Variants in TWIST2 observed in about 807,000 individuals in gnomAD.
The protein encoded by TWIST2 is twist-related protein 2.
TWIST2 carries 1 observed loss-of-function variant against 11.6 expected under a neutral mutation model. That is an observed-to-expected ratio of 0.09 (90% CI 0.03 to 0.41). The LOEUF is 0.41. TWIST2 is among the 10% of genes least tolerant of loss of function. The probability of loss-of-function intolerance (pLI) is 0.98; values close to 1 mark genes in which losing one functional copy is unlikely to be tolerated. For missense variants in TWIST2, 168 were observed against 226.4 expected (o/e 0.74, Z 1.66); for synonymous variants, 87 against 96.6 (o/e 0.90, Z 0.58).
At chr2:238,900,075 G>A (rs878925235) in intron 1 of TWIST2, among the ~76,000 whole-genome samples, 79,546 of 152,120 alleles carry the variant, frequency 0.52, 21,385 homozygotes, top group African/African-American at 0.65. Context: ...AGAAAGTTCT[G>A]TTTAATTCTC....
At chr2:238,850,173 AATG>A (rs1198770920) in intron 1 of TWIST2, among the ~76,000 whole-genome samples, 3 of 152,212 alleles carry the variant, frequency 2.0e-5, no homozygotes, top group Admixed American at 2.0e-4. Context: ...CTCCTGAGAT[AATG>A]ATAATTGTAT....
Position 238,848,122 on chromosome 2 carries a change from C to T in TWIST2, c.-94C>T. On this transcript the variant is annotated 5_prime_UTR_variant, in exon 1 of 2. Transcript: ENST00000612363. ...CTTGAAATCAGAGCCTTTCCAGCAACTCCGAGAGCGTGTGCTCGGCGACCG... is the reference window on the plus strand; with the variant it reads ...CTTGAAATCAGAGCCTTTCCAGCAATTCCGAGAGCGTGTGCTCGGCGACCG... The T allele has an allele frequency of 9.6e-7, 1 of 1,036,830 alleles. No homozygotes were observed. The highest frequency in any genetic ancestry group is 1.2e-6 in the Non-Finnish European group (1 of 837,198). 64.2% of individuals were successfully genotyped at this position (1,036,830 alleles called of 1,614,324 possible).
At chr2:238,889,034 C>T (rs1406593047) in intron 1 of TWIST2, among the ~76,000 whole-genome samples, 1 of 152,132 alleles carries the variant, frequency 6.6e-6, no homozygotes, top group Non-Finnish European at 1.5e-5. Context: ...TGGGTCTGTC[C>T]TGGTCACACA....
At chr2:238,868,596 T>C (rs1692587013) in intron 1 of TWIST2, among the ~76,000 whole-genome samples, 1 of 152,178 alleles carries the variant, frequency 6.6e-6, no homozygotes. Context: ...AGATGGAAGA[T>C]GCTGTTTCCC....
chr2:238,887,616 A>G (rs776469664), intron 1 of TWIST2, among the ~76,000 whole-genome samples: 1 of 152,198 alleles, frequency 6.6e-6, no homozygotes, highest in Non-Finnish European at 1.5e-5. Context: ...GTGGTTAGGC[A>G]GGGCCATAGG....
At chr2:238,849,236 C>A (rs1419064898) in intron 1 of TWIST2, among the ~76,000 whole-genome samples, 1 of 152,200 alleles carries the variant, frequency 6.6e-6, no homozygotes, top group East Asian at 1.9e-4. Flanking sequence ...GTCGGGCGGA[C>A]ACTCAGATCT....
At chr2:238,870,521 C>CCCG (rs1692654231) in intron 1 of TWIST2, among the ~76,000 whole-genome samples, 7 of 141,026 alleles carry the variant, frequency 5.0e-5, no homozygotes, top group Non-Finnish European at 7.7e-5. Flanking sequence ...ATACCACACA[C>CCCG]AAACCACACA....
chr2:238,905,979 G>C (rs1221618800), intron 1 of TWIST2, among the ~76,000 whole-genome samples: 1 of 139,260 alleles, frequency 7.2e-6, no homozygotes, highest in Non-Finnish European at 1.6e-5. Context: ...GTGTGCGCGC[G>C]CGTGTACGTG....
chr2:238,883,011 A>G lies in TWIST2; in HGVS notation c.*36-26831A>G, dbSNP rs1692965305. 1.3e-5 allele frequency among the ~76,000 whole-genome samples: 2 copies of G among 152,112 alleles called. 1 individual carries two copies. The highest frequency in any genetic ancestry group is 4.1e-4 in the South Asian group (2 of 4,830). On this transcript the variant is annotated intron_variant, in intron 1 of 1. Coordinates refer to ENST00000612363, the MANE Select transcript of TWIST2 (RefSeq NM_001271893.4). ...GGCAGCTCTTGACATCATTCCCTCC[A>G]GTTTGGGGGTGAGATGGACATGAAT...
Position 238,902,898 on chromosome 2 carries a change from G to A in TWIST2, c.*36-6944G>A, listed in dbSNP as rs1198203029. On this transcript the variant is annotated intron_variant, in intron 1 of 1. Transcript: ENST00000612363. ...GTGAGGGGTGTGTGATGTGGGGTGT[G>A]TGATGGGTATGTGCGTGATGTGAGG... Among the ~76,000 whole-genome samples, 3 of 130,688 alleles carry A rather than the reference G, an allele frequency of 2.3e-5. 1 individual carries two copies. The highest frequency in any genetic ancestry group is 2.8e-4 in the South Asian group (1 of 3,540). 85.7% of individuals were successfully genotyped at this position (130,688 alleles called of 152,430 possible). A position where few individuals can be genotyped will look rare whatever the true frequency, so the allele number is the denominator to read the frequency against.
At position 238,865,071 on chromosome 2, in the gene TWIST2, C is replaced by T. The variant is rs565278980; in HGVS notation, c.*35+16338C>T. ...TCACTCCACTCGTTGAAAGTCCACC[C>T]AGCAAGCATGCAAGCACTGGGCAAG... On this transcript the variant is annotated intron_variant, in intron 1 of 1. Coordinates refer to ENST00000612363, the MANE Select transcript of TWIST2 (RefSeq NM_001271893.4). Among the ~76,000 whole-genome samples the T allele has an allele frequency of 7.9e-5, 12 of 152,292 alleles. No individual in the cohort carries two copies. The South Asian group carries it at 2.3e-3, about 29-fold the overall frequency.
chr2:238,887,772 C>T (rs930164577), intron 1 of TWIST2, among the ~76,000 whole-genome samples: 4 of 152,216 alleles, frequency 2.6e-5, no homozygotes, highest in Non-Finnish European at 5.9e-5. Context: ...TGTGGAGGCT[C>T]TACCAGCCTG....
Position 238,864,739 on chromosome 2 carries a change from T to G in TWIST2, c.*35+16006T>G, listed in dbSNP as rs943199009. On this transcript the variant is annotated intron_variant, in intron 1 of 1. Transcript: ENST00000612363. This position sits in a 1 kb window ranked among gnomAD's most constrained non-coding sequence, Gnocchi z 4.7. ...GGGTCCACCCTGCCGCGGGGTCCAC[T>G]TGGTATAGGCACCCACCAGGCCTGC... Among the ~76,000 whole-genome samples, 2 of 152,106 alleles carry G rather than the reference T, an allele frequency of 1.3e-5. No homozygotes were observed. The highest frequency in any genetic ancestry group is 4.8e-5 in the African/African-American group (2 of 41,430).
At chr2:238,852,288 C>T (rs1288003745) in intron 1 of TWIST2, among the ~76,000 whole-genome samples, 2 of 152,062 alleles carry the variant, frequency 1.3e-5, no homozygotes, top group Non-Finnish European at 2.9e-5. Flanking sequence ...GGTTTTTAAG[C>T]TTAGTATTTA....
intron 1 of TWIST2, among the ~76,000 whole-genome samples, chr2:238,874,623 G>A (rs545156002): frequency 2.0e-3 from 301 of 152,272 alleles, no homozygotes; most frequent in Admixed American, 6.1e-3. Context: ...ACATACATTC[G>A]TTCACCAGAC....
chr2:238,866,121 C>T lies in TWIST2; in HGVS notation c.*35+17388C>T, dbSNP rs1330629575. Among the ~76,000 whole-genome samples, 1 of 152,210 alleles carries T rather than the reference C, an allele frequency of 6.6e-6. No individual in the cohort carries two copies. The highest frequency in any genetic ancestry group is 2.4e-5 in the African/African-American group (1 of 41,462). On this transcript the variant is annotated intron_variant, in intron 1 of 1. Transcript: ENST00000612363. This position sits in a 1 kb window ranked among gnomAD's most constrained non-coding sequence, Gnocchi z 4.9. ...ACTGGGACCCACTGAATGTAGGTTC[C>T]TTTACCCCCATTTCACCTGCTGCCA...
At chr2:238,906,120 G>A (rs895754025) in intron 1 of TWIST2, among the ~76,000 whole-genome samples, 9 of 152,178 alleles carry the variant, frequency 5.9e-5, no homozygotes, top group Non-Finnish European at 1.2e-4. Flanking sequence ...GGCTGCTGGG[G>A]TGAAGCCTGG....
At chr2:238,894,081 C>T (rs992625617) in intron 1 of TWIST2, among the ~76,000 whole-genome samples, 1 of 152,172 alleles carries the variant, frequency 6.6e-6, no homozygotes, top group Non-Finnish European at 1.5e-5. Context: ...TCTTGGGAAT[C>T]CAGAGGCCTG....
rs942049552 is a variant in TWIST2 at position 238,897,680 on chromosome 2, C to T, written c.*36-12162C>T. On this transcript the variant is annotated intron_variant, in intron 1 of 1. Transcript: ENST00000612363. ...CCGTGAAAGCAGCACTCTGCATTTC[C>T]TCCCCCGCCTCTGGACAAGACATTT... Among the ~76,000 whole-genome samples the T allele has an allele frequency of 6.9e-3, 1,053 of 152,338 alleles. 12 individuals carry two copies. The highest frequency in any genetic ancestry group is 0.024 in the African/African-American group (1,018 of 41,578).
Sources: gnomAD v4.1 joint callset for allele counts (sites outside exome capture counted in the v4.1 genomes callset) on GRCh38, gnomAD v4.1.1 for gene constraint, Gnocchi (gnomAD v3.1) non-coding constraint, MANE v1.5 for transcripts, NCBI Gene and HGNC (gene_info 2026-07-23, HGNC 2026-07-21) for gene names.